The following CCDC57 variants were observed in gnomAD, a reference collection of about 807,000 sequenced individuals.
The protein encoded by CCDC57 is coiled-coil domain containing 57, also known as coiled-coil domain-containing protein 57.
In CCDC57, 118 loss-of-function variants were observed where a neutral mutation model predicts 118.9. The observed-to-expected ratio is 0.99, with a 90% confidence interval of 0.86 to 1.16. The LOEUF is 1.16. Among genes scored for constraint, CCDC57 ranks in the 50% most tolerant of loss-of-function variants. The pLI is 0.00. For missense variants in CCDC57, 1,300 were observed against 1,320.7 expected, an observed-to-expected ratio of 0.98 and a Z score of 0.24; for synonymous variants, 527 against 532.9, an observed-to-expected ratio of 0.99 and a Z score of 0.15.
At chr17:82,207,167 G>A (rs2049763419) in intron 2 of CCDC57, among the ~76,000 whole-genome samples, 1 of 151,928 alleles carries the variant, frequency 6.6e-6, no homozygotes, top group Non-Finnish European at 1.5e-5. Context: ...ACGGCAAAAC[G>A]CTGCCTCTAC....
intron 8 of CCDC57, among the ~76,000 whole-genome samples, chr17:82,186,971 G>A (rs1339117172): frequency 6.6e-6 from 1 of 151,564 alleles, no homozygotes; most frequent in Non-Finnish European, 1.5e-5. Context: ...GGGGGCGGTG[G>A]CTCACACCTG....
intron 7 of CCDC57, 21 bp downstream of exon 6, chr17:82,193,735 G>T: frequency 6.3e-7 from 1 of 1,577,848 alleles, no homozygotes; most frequent in Non-Finnish European, 8.6e-7. Flanking sequence ...GCTGCATGAT[G>T]TTGGGAGCCG....
At position 82,172,268 on chromosome 17, in the gene CCDC57, C is replaced by G. The variant is rs1420108935; in HGVS notation, c.1729+370G>C. Among the ~76,000 whole-genome samples the G allele has an allele frequency of 1.3e-5, 2 of 152,240 alleles. No homozygotes were observed. The highest frequency in any genetic ancestry group is 2.9e-5 in the Non-Finnish European group (2 of 68,048). On this transcript the variant is annotated intron_variant, in intron 12 of 19. Transcript: ENST00000665763. The surrounding 1 kb of genome is among the most constrained non-coding windows in gnomAD (Gnocchi z 5.2). Reference sequence around the variant, plus strand: ...GGGGGTCGGGAGGCCCTCATCAGCTCTGCCACAGACGCTCCTCTGGAGGAA... The same window carrying G: ...GGGGGTCGGGAGGCCCTCATCAGCTGTGCCACAGACGCTCCTCTGGAGGAA...
At chr17:82,144,172 T>C (rs2040400738) in intron 16 of CCDC57, among the ~76,000 whole-genome samples, 1 of 152,126 alleles carries the variant, frequency 6.6e-6, no homozygotes, top group South Asian at 2.1e-4. Context: ...GAGCCGGGCA[T>C]GATGGCATGC....
intron 16 of CCDC57, among the ~76,000 whole-genome samples, chr17:82,150,388 C>T (rs1249896595): frequency 2.0e-4 from 20 of 97,704 alleles, no homozygotes; most frequent in Middle Eastern, 6.0e-3. Flanking sequence ...CAGAACCAGG[C>T]GCACACCCAG....
At chr17:82,187,424 AAG>A (rs1465854850) in intron 8 of CCDC57, among the ~76,000 whole-genome samples, 2 of 142,672 alleles carry the variant, frequency 1.4e-5, no homozygotes, top group Non-Finnish European at 3.0e-5. Flanking sequence ...CAAGTGAAAT[AAG>A]AGAGTCCCAA....
chr17:82,145,014 CTT>C (rs557078740), intron 16 of CCDC57, among the ~76,000 whole-genome samples: 4 of 130,874 alleles, frequency 3.1e-5, no homozygotes, highest in South Asian at 2.5e-4. Context: ...TATTTCTTTT[CTT>C]TTTTTTTTTC....
At chr17:82,191,218 G>A (rs1231761579) in intron 7 of CCDC57, among the ~76,000 whole-genome samples, 1 of 152,034 alleles carries the variant, frequency 6.6e-6, no homozygotes, top group Non-Finnish European at 1.5e-5. Context: ...AGGAATGAAC[G>A]GGAGACAACT....
At chr17:82,183,147 T>C (rs1272563339) in intron 9 of CCDC57, among the ~76,000 whole-genome samples, 1 of 152,176 alleles carries the variant, frequency 6.6e-6, no homozygotes, top group Non-Finnish European at 1.5e-5. Flanking sequence ...CCAAATGATA[T>C]CATACAGCAT....
intron 18 of CCDC57, 140 bp downstream of exon 17, chr17:82,128,353 T>C (rs1598744217): frequency 6.3e-6 from 4 of 638,580 alleles, no homozygotes; most frequent in Non-Finnish European, 1.1e-5. Context: ...ACCCTGCCAT[T>C]GTGAGCAGTC....
chr17:82,207,722 G>T (rs1008095066), intron 2 of CCDC57: 3 of 152,252 alleles, frequency 2.0e-5, no homozygotes, highest in African/African-American at 7.2e-5. Context: ...CCGGCTCTGT[G>T]TGACTTACTC....
At position 82,137,254 on chromosome 17, in the gene CCDC57, C is replaced by T. The variant is rs751401051; in HGVS notation, c.2456-3060G>A. Among the ~76,000 whole-genome samples the T allele has an allele frequency of 7.6e-4, 115 of 152,226 alleles. 1 individual carries two copies. Among genetic ancestry groups the T allele is most frequent in the South Asian group, 1.9e-3 (9 of 4,824 alleles). Reference sequence around the variant, plus strand: ...GCTGGTCTTGAACTCCTGCAAGCATCCTATGATCCGCCCACCTCGGCCTCC... The same window carrying T: ...GCTGGTCTTGAACTCCTGCAAGCATTCTATGATCCGCCCACCTCGGCCTCC... On this transcript the variant is annotated intron_variant, in intron 16 of 19. Transcript: ENST00000665763.
At position 82,127,820 on chromosome 17, in the gene CCDC57, G is replaced by C. The variant is rs376747467; in HGVS notation, c.2771C>G (p.Pro924Arg). 2.5e-6 allele frequency: 4 copies of C among 1,612,390 alleles called. No homozygotes were observed. Among genetic ancestry groups the C allele is most frequent in the Non-Finnish European group, 2.5e-6 (3 of 1,179,236 alleles). Residue 924 changes from proline to arginine, a missense_variant, in exon 19 of 20, where the codon CCT becomes CGT. Coordinates refer to ENST00000665763, the Ensembl canonical transcript of CCDC57. ...GTGGGATTGGCGACCATGCTCCTCA[G>C]GGTGCTGGGGAGCCTGGGGTGGCTT...
At chr17:82,182,903 C>G (rs935837804) in intron 9 of CCDC57, among the ~76,000 whole-genome samples, 1 of 152,034 alleles carries the variant, frequency 6.6e-6, no homozygotes, top group Non-Finnish European at 1.5e-5. Context: ...CCAGGCTGGT[C>G]TCGAACTCCT....
In CCDC57 at chr17:82,113,510, G is replaced by A. The variant is rs1183033168; in HGVS notation, c.2900-11644C>T. On this transcript the variant is annotated intron_variant, in intron 19 of 19. Coordinates refer to ENST00000665763, the Ensembl canonical transcript of CCDC57. ...CCCACTGCAAGGCTGCTGTGATGGT[G>A]ACCAGTGAGGCCCGCGCTGCATGTT... 5.6e-6 allele frequency: 4 copies of A among 717,464 alleles called. No homozygotes were observed. The Admixed American group carries it at 8.0e-5, about 14-fold the overall frequency. The allele number at this position is 717,464 out of a possible 1,614,324, so 44.4% of individuals were successfully genotyped here.
At chr17:82,116,298 G>A (rs995556048) in intron 19 of CCDC57, among the ~76,000 whole-genome samples, 1 of 151,894 alleles carries the variant, frequency 6.6e-6, no homozygotes, top group East Asian at 1.9e-4. Flanking sequence ...TGGGAGGCAG[G>A]GGGGCCTCCA....
At chr17:82,136,451 C>T (rs1252641108) in intron 16 of CCDC57, among the ~76,000 whole-genome samples, 1 of 152,046 alleles carries the variant, frequency 6.6e-6, no homozygotes, top group Admixed American at 6.6e-5. Context: ...GTGGGGTTTC[C>T]TCTGAAGTGA....
chr17:82,193,999 C>T (rs913673900), exon 6 of CCDC57: 2 of 1,611,702 alleles, frequency 1.2e-6, no homozygotes, highest in Non-Finnish European at 1.7e-6. Flanking sequence ...GGCTCATGGC[C>T]TCCAGGTCCT....
exon 19 of CCDC57, chr17:82,127,827 G>T (rs7213172): frequency 0.55 from 884,863 of 1,610,818 alleles, 251,631 homozygotes; most frequent in Non-Finnish European, 0.59. Flanking sequence ...TCAGGGTGCT[G>T]GGGAGCCTGG....
Sources: gnomAD v4.1 joint callset for allele counts (sites outside exome capture counted in the v4.1 genomes callset) on GRCh38, gnomAD v4.1.1 for gene constraint, Gnocchi (gnomAD v3.1) non-coding constraint, MANE v1.5 for transcripts, NCBI Gene and HGNC (gene_info 2026-07-23, HGNC 2026-07-21) for gene names.